STK3: variants seen among roughly 807,000 people sequenced by gnomAD.
The protein encoded by STK3 is serine/threonine-protein kinase 3.
Under a neutral mutation model 58.0 loss-of-function variants are expected in STK3, and 41 were observed. The ratio of observed to expected loss-of-function variants is 0.71; its 90% CI spans 0.55 to 0.92. The LOEUF (loss-of-function observed/expected upper bound fraction) is 0.92, where lower values mean the gene tolerates loss of function less well. Among genes scored for constraint, STK3 ranks in the 40% least tolerant of loss-of-function variants. The probability of loss-of-function intolerance (pLI) is 0.00; values close to 1 mark genes in which losing one functional copy is unlikely to be tolerated. For missense variants in STK3, 479 were observed against 602.7 expected (o/e 0.79, Z 2.15); for synonymous variants, 170 against 191.0 (o/e 0.89, Z 0.91).
At chr8:98,590,975 G>C (rs1404777717) in intron 7 of STK3, among the ~76,000 whole-genome samples, 1 of 151,770 alleles carries the variant, frequency 6.6e-6, no homozygotes, top group African/African-American at 2.4e-5. Flanking sequence ...TTTTTACGTT[G>C]CTTTGCAGTT....
At chr8:98,667,313 C>G (rs549583869) in intron 6 of STK3, among the ~76,000 whole-genome samples, 1 of 151,986 alleles carries the variant, frequency 6.6e-6, no homozygotes, top group African/African-American at 2.4e-5. Flanking sequence ...TTTCAAAAAC[C>G]AGGGTGGTCT....
rs543411770 is a variant in STK3, at chr8:98,732,164, C to A, written c.351+17112G>T. Among the ~76,000 whole-genome samples, 17 of 151,910 alleles carry A rather than the reference C, an allele frequency of 1.1e-4. 1 individual carries two copies. The South Asian group carries it at 1.9e-3, about 17-fold the overall frequency. ...CAAAAGGCAAAAAGACAAAAAGAGA[C>A]GGATAATCTAAGAGGAAAAACAAAT... is the stretch of plus-strand genomic sequence containing the variant. On this transcript the variant is annotated intron_variant, in intron 4 of 10. Transcript: ENST00000419617.
intron 2 of STK3, among the ~76,000 whole-genome samples, chr8:98,434,995 C>T (rs910708114): frequency 6.6e-6 from 1 of 152,206 alleles, no homozygotes. Context: ...CTGGGGGCAA[C>T]GATCACTGGG....
intron 6 of STK3, among the ~76,000 whole-genome samples, chr8:98,677,908 C>T (rs780453234): frequency 2.6e-5 from 4 of 152,054 alleles, no homozygotes; most frequent in Non-Finnish European, 4.4e-5. Context: ...TTCTGCCTAC[C>T]CCAGTAACTA....
At chr8:98,753,256 T>C (rs1253989855) in intron 3 of STK3, among the ~76,000 whole-genome samples, 1 of 152,158 alleles carries the variant, frequency 6.6e-6, no homozygotes, top group African/African-American at 2.4e-5. Context: ...ATAATGAAAA[T>C]GTGGTACATA....
chr8:98,904,639 T>C (rs766595276), intron 1 of STK3: 43 of 622,106 alleles, frequency 6.9e-5, no homozygotes, highest in Admixed American at 3.0e-4. Flanking sequence ...AGTGCTCCCG[T>C]TCATACCGGG....
chr8:98,737,477 T>C (rs1198657176), intron 4 of STK3, among the ~76,000 whole-genome samples: 1 of 151,984 alleles, frequency 6.6e-6, no homozygotes, highest in Non-Finnish European at 1.5e-5. Context: ...AAAAGGTACA[T>C]GAATAGAAAA....
At chr8:98,734,278 G>A (rs1828413285) in intron 4 of STK3, among the ~76,000 whole-genome samples, 2 of 152,166 alleles carry the variant, frequency 1.3e-5, no homozygotes, top group Admixed American at 1.3e-4. Context: ...TAAAGCACTA[G>A]GCAAATGTTA....
intron 3 of STK3, among the ~76,000 whole-genome samples, chr8:98,854,261 C>T (rs1339730904): frequency 6.6e-6 from 1 of 152,090 alleles, no homozygotes; most frequent in Non-Finnish European, 1.5e-5. Context: ...GCCTCAGCCT[C>T]CTAAGTAGCT....
chr8:98,880,911 G>A (rs987406712), downstream of STK3: 2 of 152,142 alleles, frequency 1.3e-5, no homozygotes, highest in South Asian at 2.1e-4. Context: ...TGTGAAAGTC[G>A]GTTTGGCAGT....
At chr8:98,478,833 GCAC>G (rs1821593265) in intron 10 of STK3, among the ~76,000 whole-genome samples, 1 of 152,130 alleles carries the variant, frequency 6.6e-6, no homozygotes, top group Non-Finnish European at 1.5e-5. Flanking sequence ...TTGGGCTCAT[GCAC>G]CACATGCCCA....
At chr8:98,439,254 A>G (rs2131092356) in intron 1 of STK3, 1 of 152,318 alleles carries the variant, frequency 6.6e-6, no homozygotes, top group Non-Finnish European at 1.5e-5. Context: ...AATAAATGAA[A>G]CGAGGTCAGA....
chr8:98,371,434 G>A (rs1278679124), exon 3 of STK3: 3 of 152,190 alleles, frequency 2.0e-5, no homozygotes, highest in Non-Finnish European at 4.4e-5. Flanking sequence ...TACTCCTAAG[G>A]TTAACTAGCT....
At chr8:98,447,986 A>AT (rs60067657) in intron 1 of STK3, among the ~76,000 whole-genome samples, 4 of 145,398 alleles carry the variant, frequency 2.8e-5, no homozygotes, top group East Asian at 4.0e-4. Flanking sequence ...AATAATAATA[A>AT]AGCAATATAA....
intron 3 of STK3, among the ~76,000 whole-genome samples, chr8:98,834,828 G>A (rs1368028238): frequency 1.3e-5 from 2 of 152,180 alleles, no homozygotes; most frequent in African/African-American, 2.4e-5. Context: ...AACCTTAAAT[G>A]ATGAGATTCA....
chr8:98,619,205 G>A (rs1275384067), intron 6 of STK3, among the ~76,000 whole-genome samples: 1 of 150,370 alleles, frequency 6.7e-6, no homozygotes, highest in Non-Finnish European at 1.5e-5. Flanking sequence ...AGAAAAACAA[G>A]CAATGGGGAA....
intron 1 of STK3, among the ~76,000 whole-genome samples, chr8:98,913,234 C>A (rs931538952): frequency 1.3e-5 from 2 of 151,932 alleles, no homozygotes; most frequent in Non-Finnish European, 1.5e-5. Flanking sequence ...TTGATTTATG[C>A]TTCTTTCAAA....
chr8:98,698,851 C>G (rs1348981759), intron 6 of STK3, among the ~76,000 whole-genome samples: 1 of 152,010 alleles, frequency 6.6e-6, no homozygotes, highest in African/African-American at 2.4e-5. Flanking sequence ...CTTGGAGTTG[C>G]TCTTCTCGAG....
chr8:98,849,155 G>A (rs907105325), intron 3 of STK3, among the ~76,000 whole-genome samples: 2 of 151,380 alleles, frequency 1.3e-5, no homozygotes, highest in Non-Finnish European at 2.9e-5. Context: ...GAACCCAAGA[G>A]GCGGAGCTTG....
Sources: gnomAD v4.1 joint callset for allele counts (sites outside exome capture counted in the v4.1 genomes callset) on GRCh38, gnomAD v4.1.1 for gene constraint, MANE v1.5 for transcripts, NCBI Gene and HGNC (gene_info 2026-07-23, HGNC 2026-07-21) for gene names.